GRID2: variants seen among roughly 807,000 people sequenced by gnomAD.
The protein encoded by GRID2 is glutamate ionotropic receptor delta type subunit 2.
A neutral mutation model predicts 114.8 loss-of-function variants in GRID2; 33 were observed. The observed-to-expected ratio is 0.29, with a 90% confidence interval of 0.22 to 0.38. The LOEUF (loss-of-function observed/expected upper bound fraction) is 0.38, where lower values mean the gene tolerates loss of function less well. Among genes scored for constraint, GRID2 ranks in the 10% least tolerant of loss-of-function variants. GRID2 has a pLI of 1.00. For synonymous variants in GRID2, 505 were observed against 449.9 expected (o/e 1.12, Z -1.55); for missense variants, 1,184 against 1,257.7 (o/e 0.94, Z 0.89).
intron 2 of GRID2, among the ~76,000 whole-genome samples, chr4:92,918,873 G>A (rs1010095258): frequency 6.6e-6 from 1 of 152,200 alleles, no homozygotes; most frequent in South Asian, 2.1e-4. Context: ...CATAAAATGA[G>A]TTAGGGAAGA....
intron 2 of GRID2, among the ~76,000 whole-genome samples, chr4:92,901,879 T>C (rs1036166247): frequency 1.3e-5 from 2 of 151,864 alleles, no homozygotes; most frequent in Non-Finnish European, 2.9e-5. Flanking sequence ...GATATTGGCT[T>C]GGTATAATGT....
intron 8 of GRID2, among the ~76,000 whole-genome samples, chr4:93,342,803 A>G (rs1208137701): frequency 1.3e-5 from 2 of 152,196 alleles, no homozygotes; most frequent in Non-Finnish European, 2.9e-5. Context: ...TTTTTATTCA[A>G]ACTGCATTAA....
intron 1 of GRID2, among the ~76,000 whole-genome samples, chr4:92,520,640 C>T (rs889363054): frequency 6.6e-6 from 1 of 151,958 alleles, no homozygotes; most frequent in Non-Finnish European, 1.5e-5. Context: ...TACAGATGCA[C>T]TCTTTCTTAC....
intron 14 of GRID2, among the ~76,000 whole-genome samples, chr4:93,757,311 C>T (rs1252632923): frequency 5.3e-5 from 8 of 152,198 alleles, no homozygotes; most frequent in Non-Finnish European, 1.0e-4. Context: ...TCTGGTTCTC[C>T]CCATATTCAT....
At chr4:93,156,638 C>T (rs1246546186) in intron 4 of GRID2, among the ~76,000 whole-genome samples, 1 of 151,612 alleles carries the variant, frequency 6.6e-6, no homozygotes, top group Non-Finnish European at 1.5e-5. Flanking sequence ...ATGAGAAAAA[C>T]AGAGATGGAT....
At chr4:92,595,903 A>T (rs541248024) in intron 2 of GRID2, among the ~76,000 whole-genome samples, 1 of 152,204 alleles carries the variant, frequency 6.6e-6, no homozygotes, top group African/African-American at 2.4e-5. Flanking sequence ...AAATAGAATG[A>T]TTTGTGTGGC....
chr4:93,233,601 C>G (rs560630361), intron 7 of GRID2, among the ~76,000 whole-genome samples: 2 of 152,166 alleles, frequency 1.3e-5, no homozygotes, highest in South Asian at 4.1e-4. Flanking sequence ...TCTTGGCCTT[C>G]CAAAGTGCTG....
chr4:93,369,780 T>C (rs1049080091), intron 8 of GRID2, among the ~76,000 whole-genome samples: 1 of 152,230 alleles, frequency 6.6e-6, no homozygotes, highest in Non-Finnish European at 1.5e-5. Context: ...TAAGCCACTG[T>C]GCCAGGCTCA....
At chr4:92,421,407 G>A (rs995775647) in intron 1 of GRID2, among the ~76,000 whole-genome samples, 28 of 152,204 alleles carry the variant, frequency 1.8e-4, no homozygotes, top group African/African-American at 6.5e-4. Context: ...TTTGAGAAAA[G>A]ATCACCAGTC....
At chr4:92,641,589 T>C (rs1035825900) in intron 2 of GRID2, among the ~76,000 whole-genome samples, 6 of 151,628 alleles carry the variant, frequency 4.0e-5, no homozygotes, top group African/African-American at 1.2e-4. Context: ...ATAAAATGAG[T>C]AAGTTCTGGA....
At chr4:93,656,559 G>T (rs770110275) in intron 14 of GRID2, among the ~76,000 whole-genome samples, 1 of 151,756 alleles carries the variant, frequency 6.6e-6, no homozygotes. Context: ...GGCCGAGCGC[G>T]GTGGCTCACG....
chr4:93,623,976 A>G (rs1468396980), intron 13 of GRID2, among the ~76,000 whole-genome samples: 2 of 152,110 alleles, frequency 1.3e-5, no homozygotes, highest in South Asian at 2.1e-4. Context: ...GTAATTATGC[A>G]TCTGCATTCT....
chr4:92,990,751 T>G (rs1754849549), intron 2 of GRID2, among the ~76,000 whole-genome samples: 1 of 151,954 alleles, frequency 6.6e-6, no homozygotes, highest in South Asian at 2.1e-4. Context: ...CACAGAGACC[T>G]AAATGAAAGA....
At chr4:92,700,010 C>A (rs1030931097) in intron 2 of GRID2, among the ~76,000 whole-genome samples, 5 of 152,130 alleles carry the variant, frequency 3.3e-5, no homozygotes, top group Non-Finnish European at 1.5e-5. Flanking sequence ...AGCAAAATTA[C>A]TTAATTTTTC....
At chr4:93,634,957 C>G (rs1179593665) in intron 14 of GRID2, among the ~76,000 whole-genome samples, 1 of 151,924 alleles carries the variant, frequency 6.6e-6, no homozygotes, top group African/African-American at 2.4e-5. Flanking sequence ...TTTTCTTGGT[C>G]ATCTATTACA....
At chr4:92,837,395 A>G (rs1742533681) in intron 2 of GRID2, among the ~76,000 whole-genome samples, 1 of 151,832 alleles carries the variant, frequency 6.6e-6, no homozygotes, top group Admixed American at 6.6e-5. Flanking sequence ...CCGTTTCAAC[A>G]CTACCTTCAA....
intron 4 of GRID2, among the ~76,000 whole-genome samples, chr4:93,178,052 C>T (rs1353559615): frequency 6.7e-6 from 1 of 150,042 alleles, no homozygotes; most frequent in Admixed American, 6.6e-5. Flanking sequence ...CTATAGCTAT[C>T]GTATGGTTTT....
chr4:93,004,915 G>GC (rs1319978844), intron 2 of GRID2, among the ~76,000 whole-genome samples: 1 of 151,952 alleles, frequency 6.6e-6, no homozygotes, highest in African/African-American at 2.4e-5. Context: ...TTTAGTTTCA[G>GC]TTTTTGGTTT....
At chr4:92,345,010 A>G (rs754233455) in intron 1 of GRID2, among the ~76,000 whole-genome samples, 6 of 152,188 alleles carry the variant, frequency 3.9e-5, no homozygotes, top group East Asian at 1.9e-4. Flanking sequence ...ACTGTACCCA[A>G]TATGTAGTTG....
Sources: allele counts gnomAD v4.1 joint callset (sites outside exome capture counted in the v4.1 genomes callset), GRCh38; gene constraint gnomAD v4.1.1; transcripts MANE v1.5; gene names NCBI Gene and HGNC (gene_info 2026-07-23, HGNC 2026-07-21).